Variants in CMYA5 observed in about 807,000 individuals in gnomAD.
CMYA5 encodes cardiomyopathy associated 5.
CMYA5 carries 246 observed loss-of-function variants against 318.9 expected under a neutral mutation model. The ratio of observed to expected loss-of-function variants is 0.77; its 90% CI spans 0.70 to 0.86. The LOEUF is 0.86. CMYA5 is among the 40% of genes least tolerant of loss of function. The pLI, the probability that CMYA5 is intolerant of heterozygous loss-of-function variation, is 0.00. For missense variants in CMYA5, 4,589 were observed against 4,678.2 expected (o/e 0.98, Z 0.56); for synonymous variants, 1,641 against 1,729.5 (o/e 0.95, Z 1.27).
In CMYA5 at chr5:79,733,200, T is replaced by C; in HGVS notation, c.4435T>C (p.Ser1479Pro). 6 of 1,613,670 alleles carry C rather than the reference T, an allele frequency of 3.7e-6. No individual in the cohort carries two copies. The highest frequency in any genetic ancestry group is 4.5e-5 in the East Asian group (2 of 44,882). ...KAGLPVIKTSSSQHSDKSEEA... is the reference protein window; with the variant it reads ...KAGLPVIKTSPSQHSDKSEEA... ...TGGGTTGCCAGTAATCAAAACATCA[T>C]CTTCTCAGCATTCAGATAAATCTGA... The change falls in exon 2 of 13, where the codon TCT becomes CCT. Residue 1479 changes from serine (S) to proline (P), a missense_variant. This residue lies in a region of CMYA5 where 2,132 missense variants were observed against 2,131.3 expected (regional missense o/e 1.00). Coordinates refer to ENST00000446378, the MANE Select transcript of CMYA5 (RefSeq NM_153610.5).
chr5:79,786,173 T>C (rs1829078260), intron 9 of CMYA5, among the ~76,000 whole-genome samples: 1 of 152,206 alleles, frequency 6.6e-6, no homozygotes, highest in Admixed American at 6.5e-5. Context: ...TGCTCTGTGA[T>C]AAGTTTCAGC....
chr5:79,774,813 T>A (rs1301602070), intron 9 of CMYA5, among the ~76,000 whole-genome samples: 1 of 152,350 alleles, frequency 6.6e-6, no homozygotes, highest in South Asian at 2.1e-4. Flanking sequence ...GGACACCCAC[T>A]GCTCTGTCTG....
rs1192495659 is a variant in CMYA5, at chr5:79,737,943, G to A, written c.9178G>A (p.Asp3060Asn). The part of the protein sequence containing the change: ...EDYFEKYTLI[D>N]YNISPDPEKQ... ...TTATTTTGAAAAATATACTTTGATT[G>A]ATTATAACATCTCCCCAGACCCAGA... The change falls in exon 2 of 13, where the codon GAT becomes AAT. Residue 3060 changes from aspartate to asparagine, a missense_variant. This residue lies in a region of CMYA5 where 2,431 missense variants were observed against 2,495.1 expected (regional missense o/e 0.97). Transcript: ENST00000446378. 1 of 1,610,002 alleles carries A rather than the reference G, an allele frequency of 6.2e-7. No homozygotes were observed.
chr5:79,721,116 A>C (rs1827616716), intron 1 of CMYA5, among the ~76,000 whole-genome samples: 1 of 152,206 alleles, frequency 6.6e-6, no homozygotes, highest in Admixed American at 6.5e-5. Context: ...GTATGTTGTA[A>C]TTTCCAGGGT....
chr5:79,694,009 C>G (rs1827021516), intron 1 of CMYA5, among the ~76,000 whole-genome samples: 1 of 152,264 alleles, frequency 6.6e-6, no homozygotes, highest in Non-Finnish European at 1.5e-5. Context: ...GGATGACCAG[C>G]TGCAAGGGCA....
At chr5:79,717,074 C>T in intron 1 of CMYA5, among the ~76,000 whole-genome samples, 1 of 152,156 alleles carries the variant, frequency 6.6e-6, no homozygotes, top group East Asian at 1.9e-4. Flanking sequence ...GGCAAGCAAA[C>T]CACTCCTGTT....
chr5:79,735,342 GA>G lies in CMYA5; in HGVS notation c.6578del (p.Asp2193ValfsTer10). ...SSLFFGSSTP[D>X]NKVAEQEDLE... Reference sequence around the variant, plus strand: ...CTTGTTTTTTGGATCGAGCACTCCAGATAACAAAGTTGCTGAACAAGAAGAC... The same window carrying G: ...CTTGTTTTTTGGATCGAGCACTCCAGTAACAAAGTTGCTGAACAAGAAGAC... On this transcript the variant is annotated frameshift_variant, in exon 2 of 13. Transcript: ENST00000446378. LOFTEE classifies it high-confidence loss of function. 1 of 1,613,796 alleles carries G rather than the reference GA, an allele frequency of 6.2e-7. No individual in the cohort carries two copies. The highest frequency in any genetic ancestry group is 8.5e-7 in the Non-Finnish European group (1 of 1,179,802).
chr5:79,735,412 T>C lies in CMYA5; in HGVS notation c.6647T>C (p.Val2216Ala). ...PSPSVEKAVTVIDPEGTIPTN... is the reference protein window; with the variant it reads ...PSPSVEKAVTAIDPEGTIPTN... ...CCATCCGTAGAAAAAGCAGTGACTG[T>C]GATAGATCCTGAAGGTACAATTCCC... The change falls in exon 2 of 13, where the codon GTG becomes GCG. Residue 2216 changes from valine to alanine, a missense_variant. Val to Ala is a moderately conservative substitution (Grantham distance 64). Around this residue, in one of 3 missense-constraint regions of CMYA5, gnomAD observed 2,431 missense variants for 2,495.1 expected, o/e 0.97. Coordinates refer to ENST00000446378, the MANE Select transcript of CMYA5 (RefSeq NM_153610.5). 1 of 1,613,896 alleles carries C rather than the reference T, an allele frequency of 6.2e-7. No individual in the cohort carries two copies. Among genetic ancestry groups the C allele is most frequent in the Non-Finnish European group, 8.5e-7 (1 of 1,179,818 alleles).
In CMYA5 at chr5:79,800,167, A is replaced by T. The variant is rs1191588105; in HGVS notation, c.*551A>T. ...CCTCCCTAAAATTTTAAATGTAGAA[A>T]AGTGCTATATATTAGAAATTTCCAT... On this transcript the variant is annotated 3_prime_UTR_variant, in exon 13 of 13. Coordinates refer to ENST00000446378, the MANE Select transcript of CMYA5 (RefSeq NM_153610.5). The T allele has an allele frequency of 6.5e-6, 1 of 152,820 alleles. No homozygotes were observed. Among genetic ancestry groups the T allele is most frequent in the East Asian group, 1.9e-4 (1 of 5,208 alleles). The allele number at this position is 152,820 out of a possible 1,614,324, so 9.5% of individuals were successfully genotyped here. A position where few individuals can be genotyped will look rare whatever the true frequency, so the allele number is the denominator to read the frequency against.
chr5:79,700,133 C>T (rs1827146490), intron 1 of CMYA5, among the ~76,000 whole-genome samples: 1 of 152,236 alleles, frequency 6.6e-6, no homozygotes, highest in Admixed American at 6.5e-5. Context: ...CTGTTCAGTT[C>T]ATACTTGCTG....
intron 11 of CMYA5, 124 bp from the exon 12 acceptor site, chr5:79,793,313 A>C (rs1829210365): frequency 1.1e-6 from 1 of 891,462 alleles, no homozygotes; most frequent in Non-Finnish European, 1.8e-6. Context: ...ATCTTTAGTT[A>C]AATTCCAGCA....
rs17253860 is a variant in CMYA5 at position 79,730,364 on chromosome 5, A to G, written c.1599A>G (p.Glu533=). 0.019 allele frequency: 30,512 copies of G among 1,613,886 alleles called. 375 individuals carry two copies. The highest frequency in any genetic ancestry group is 0.022 in the Non-Finnish European group (26,416 of 1,179,856). ...DSNLVEEEIV[E]LDYPESPLVS... The stretch of plus-strand genomic sequence containing the variant: ...ATTTAGTAGAAGAAGAGATCGTAGA[A>G]CTTGATTACCCAGAAAGCCCATTGG... Residue 533 remains glutamate, a synonymous_variant, in exon 2 of 13, where the codon GAA becomes GAG. Transcript: ENST00000446378.
At chr5:79,708,449 G>A (rs548440473) in intron 1 of CMYA5, among the ~76,000 whole-genome samples, 121 of 152,196 alleles carry the variant, frequency 8.0e-4, no homozygotes, top group African/African-American at 2.8e-3. Flanking sequence ...GTGAAACCCT[G>A]TCTCTACTAA....
At chr5:79,766,351 T>A (rs915380483) in intron 9 of CMYA5, among the ~76,000 whole-genome samples, 2 of 152,208 alleles carry the variant, frequency 1.3e-5, no homozygotes, top group Non-Finnish European at 2.9e-5. Flanking sequence ...TCCGACCTCC[T>A]TGGTCTCCCA....
rs1363592112 is a variant in CMYA5, at chr5:79,689,889, C to A, written c.-19C>A. ...CGGGCGGCTCCGGCTCCGGCCCCGGCCCAGGCCCGGGAGAGGCGATGGCGA... is the reference window on the plus strand; with the variant it reads ...CGGGCGGCTCCGGCTCCGGCCCCGGACCAGGCCCGGGAGAGGCGATGGCGA... On this transcript the variant is annotated 5_prime_UTR_variant, in exon 1 of 13. Transcript: ENST00000446378. 6.8e-6 allele frequency: 5 copies of A among 738,236 alleles called. No homozygotes were observed. The highest frequency in any genetic ancestry group is 1.2e-5 in the Non-Finnish European group (5 of 420,954). 45.7% of individuals were successfully genotyped at this position (738,236 alleles called of 1,614,324 possible).
chr5:79,789,259 G>T (rs1829135454), intron 10 of CMYA5, among the ~76,000 whole-genome samples, 155 bp downstream of exon 10: 2 of 152,178 alleles, frequency 1.3e-5, no homozygotes, highest in African/African-American at 4.8e-5. Context: ...CAAAGGTCAA[G>T]ATATTTCTTT....
chr5:79,771,484 C>T (rs1580799194), intron 9 of CMYA5, among the ~76,000 whole-genome samples: 3 of 152,288 alleles, frequency 2.0e-5, no homozygotes, highest in East Asian at 3.9e-4. Flanking sequence ...TGGCATCCGT[C>T]CCCAGTTGGC....
intron 10 of CMYA5, among the ~76,000 whole-genome samples, chr5:79,790,103 G>C (rs1829149086): frequency 6.6e-6 from 1 of 152,190 alleles, no homozygotes; most frequent in Admixed American, 6.5e-5. Context: ...GGCTTACCCA[G>C]AAACATCTTG....
chr5:79,738,038 C>T lies in CMYA5; in HGVS notation c.9273C>T (p.Ile3091=). The change falls in exon 2 of 13, where the codon ATC becomes ATT. Residue 3091 remains isoleucine, a synonymous_variant. Coordinates refer to ENST00000446378, the MANE Select transcript of CMYA5 (RefSeq NM_153610.5). ...CAAAGGAAGTTACAGAAGAAACTAT[C>T]TCTTTCCCAGTAAGTTCAGTGGAAA... is the stretch of plus-strand genomic sequence containing the variant. ...KLSKEVTEET[I]SFPVSSVESA... 1 of 1,613,228 alleles carries T rather than the reference C, an allele frequency of 6.2e-7. No individual in the cohort carries two copies. Among genetic ancestry groups the T allele is most frequent in the Non-Finnish European group, 8.5e-7 (1 of 1,179,676 alleles).
Sources: allele counts gnomAD v4.1 joint callset (sites outside exome capture counted in the v4.1 genomes callset), GRCh38; gene constraint gnomAD v4.1.1; regional missense constraint gnomAD v4.1.1; transcripts MANE v1.5; gene names NCBI Gene and HGNC (gene_info 2026-07-23, HGNC 2026-07-21).